Variants in PITPNM2 observed in about 807,000 individuals in gnomAD.
The protein encoded by PITPNM2 is membrane-associated phosphatidylinositol transfer protein 2.
PITPNM2 carries 35 observed loss-of-function variants against 132.2 expected under a neutral mutation model. That is an observed-to-expected ratio of 0.26 (90% CI 0.20 to 0.35). The LOEUF is 0.35. Ranked by LOEUF, PITPNM2 falls within the 10% of genes least tolerant of loss-of-function variation. PITPNM2 has a pLI of 1.00. For synonymous variants in PITPNM2, 738 were observed against 799.2 expected, an observed-to-expected ratio of 0.92 and a Z score of 1.29; for missense variants, 1,332 against 1,912.0, an observed-to-expected ratio of 0.70 and a Z score of 5.66.
intron 2 of PITPNM2, among the ~76,000 whole-genome samples, chr12:123,055,475 G>A (rs4148858): frequency 0.034 from 5,147 of 152,298 alleles, 149 homozygotes; most frequent in East Asian, 0.17. Context: ...CCTGCCCAGC[G>A]TGCACACGGC....
intron 2 of PITPNM2, among the ~76,000 whole-genome samples, chr12:123,060,094 A>G (rs2041181244): frequency 6.6e-6 from 1 of 151,908 alleles, no homozygotes; most frequent in Non-Finnish European, 1.5e-5. Flanking sequence ...CTTTTTATCA[A>G]CCCCCAGGCC....
chr12:123,096,393 G>A (rs2042411924), intron 2 of PITPNM2, among the ~76,000 whole-genome samples: 1 of 152,224 alleles, frequency 6.6e-6, no homozygotes, highest in African/African-American at 2.4e-5. Flanking sequence ...TATTCACGGT[G>A]AGTTCCTGGG....
intron 2 of PITPNM2, chr12:123,090,223 A>T (rs1195467832): frequency 3.3e-5 from 5 of 152,226 alleles, no homozygotes; most frequent in Admixed American, 3.3e-4. Flanking sequence ...TACGTGACTG[A>T]TAAGTTAGTA....
chr12:122,988,648 C>A, intron 19 of PITPNM2, 76 bp downstream of exon 19: 1 of 1,440,848 alleles, frequency 6.9e-7, no homozygotes, highest in South Asian at 1.3e-5. Context: ...CCCACTGTCC[C>A]CTCGTCTGTG....
intron 3 of PITPNM2, among the ~76,000 whole-genome samples, chr12:123,025,692 A>T (rs1243244682): frequency 6.6e-6 from 1 of 152,026 alleles, no homozygotes; most frequent in African/African-American, 2.4e-5. Context: ...TCGGCCTCCC[A>T]AAGTGCTGGG....
At chr12:122,996,320 T>G (rs2038423106) in intron 13 of PITPNM2, 138 bp downstream of exon 13, 2 of 1,224,770 alleles carry the variant, frequency 1.6e-6, no homozygotes, top group South Asian at 1.5e-5. Context: ...CCAAGCCAGA[T>G]GGACTCAGGA....
rs1215690899 is a variant in PITPNM2, at chr12:123,117,502, T to C, written c.-199-7014A>G. Among the ~76,000 whole-genome samples the C allele has an allele frequency of 2.0e-5, 3 of 152,174 alleles. No individual in the cohort carries two copies. Among genetic ancestry groups the C allele is most frequent in the Non-Finnish European group, 2.9e-5 (2 of 68,030 alleles). On this transcript the variant is annotated intron_variant, in intron 1 of 25. Transcript: ENST00000320201. The surrounding 1 kb of genome is among the most constrained non-coding windows in gnomAD (Gnocchi z 4.7). The stretch of plus-strand genomic sequence containing the variant: ...TCAGCTCGGCTCACTGGGCCTCTGT[T>C]TCCCCATCTGTAGAGTGAGGAGGCT...
chr12:123,079,492 G>A (rs752869365), intron 2 of PITPNM2, among the ~76,000 whole-genome samples: 4 of 148,004 alleles, frequency 2.7e-5, no homozygotes, highest in Admixed American at 6.9e-5. Flanking sequence ...GATTATAGGC[G>A]CCCACCACCA....
At chr12:123,025,673 C>A (rs1035052469) in intron 3 of PITPNM2, among the ~76,000 whole-genome samples, 2 of 152,100 alleles carry the variant, frequency 1.3e-5, no homozygotes, top group Non-Finnish European at 2.9e-5. Flanking sequence ...CTCAGGTGAT[C>A]TGCCTGCCTC....
In PITPNM2 at chr12:122,988,350, C is replaced by A. The variant is rs565300725; in HGVS notation, c.2881G>T (p.Val961Phe). The change falls in exon 20 of 26, where the codon GTC (valine) becomes TTC (phenylalanine). Residue 961 changes from valine to phenylalanine, a missense_variant and splice_region_variant. Physicochemically the swap from Val to Phe is conservative, Grantham distance 50. Transcript: ENST00000320201. ...ATGCTGGAGTTGTCATGCCTCATGA[C>A]CTGGGAAGAGGGGACAGTGCAGGCT... ...TDVVSFLLRQVMRHDNSSILE... is the reference protein window; with the variant it reads ...TDVVSFLLRQFMRHDNSSILE... 1.7e-5 allele frequency: 28 copies of A among 1,613,058 alleles called. No homozygotes were observed. In the East Asian group the frequency reaches 5.6e-4, roughly 32 times the overall value.
chr12:123,085,065 G>A (rs2042074847), intron 2 of PITPNM2, among the ~76,000 whole-genome samples: 1 of 152,218 alleles, frequency 6.6e-6, no homozygotes, highest in African/African-American at 2.4e-5. Flanking sequence ...GATGTCAGGT[G>A]CCCAAGCACA....
chr12:123,028,028 G>T (rs548086915), intron 3 of PITPNM2, among the ~76,000 whole-genome samples: 10 of 152,356 alleles, frequency 6.6e-5, no homozygotes, highest in Admixed American at 2.6e-4. Flanking sequence ...TTCAGAGACA[G>T]CGGCAGTTGG....
At chr12:123,038,213 A>G (rs894696380) in intron 2 of PITPNM2, among the ~76,000 whole-genome samples, 1 of 152,266 alleles carries the variant, frequency 6.6e-6, no homozygotes, top group Non-Finnish European at 1.5e-5. Flanking sequence ...AGAGGTAAGT[A>G]AGTAGGTACA....
chr12:123,056,926 T>C (rs538923916), intron 2 of PITPNM2, among the ~76,000 whole-genome samples: 39 of 152,236 alleles, frequency 2.6e-4, no homozygotes, highest in Admixed American at 6.5e-4. Context: ...CAAGCAGGTG[T>C]GAACTGGGAG....
At chr12:123,101,915 G>C (rs1006834276) in intron 2 of PITPNM2, among the ~76,000 whole-genome samples, 1 of 152,192 alleles carries the variant, frequency 6.6e-6, no homozygotes, top group African/African-American at 2.4e-5. Context: ...AAAATTAGCT[G>C]GGTGTGGTGT....
chr12:123,015,405 T>A (rs1457494808), intron 3 of PITPNM2, among the ~76,000 whole-genome samples: 1 of 152,068 alleles, frequency 6.6e-6, no homozygotes, highest in East Asian at 1.9e-4. Flanking sequence ...ATATCTATGA[T>A]CAATTAATTT....
At chr12:123,120,741 G>A (rs544549916) in intron 1 of PITPNM2, among the ~76,000 whole-genome samples, 1 of 152,304 alleles carries the variant, frequency 6.6e-6, no homozygotes, top group East Asian at 1.9e-4. Flanking sequence ...GCTCCTCCCT[G>A]CTGGTCAGAC....
rs1427058044 is a variant in PITPNM2, at chr12:123,058,795, C to T, written c.-95-24110G>A. Among the ~76,000 whole-genome samples, 1 of 152,202 alleles carries T rather than the reference C, an allele frequency of 6.6e-6. No homozygotes were observed. The highest frequency in any genetic ancestry group is 1.5e-5 in the Non-Finnish European group (1 of 68,028). ...GGTTCTTTTGTGGAAAAAGCCCTTT[C>T]CCACGGGGTCCACCTGGAAAATTCT... On this transcript the variant is annotated intron_variant, in intron 2 of 25. Coordinates refer to ENST00000320201, the MANE Select transcript of PITPNM2 (RefSeq NM_020845.3). The surrounding 1 kb of genome is among the most constrained non-coding windows in gnomAD (Gnocchi z 4.0).
At chr12:123,018,024 C>G (rs2039502456) in intron 3 of PITPNM2, among the ~76,000 whole-genome samples, 1 of 142,534 alleles carries the variant, frequency 7.0e-6, no homozygotes, top group Non-Finnish European at 1.5e-5. Context: ...TCCTTCCTTC[C>G]TTCCTTCCTT....
Sources: allele counts gnomAD v4.1 joint callset (sites outside exome capture counted in the v4.1 genomes callset), GRCh38; gene constraint gnomAD v4.1.1; non-coding constraint Gnocchi (gnomAD v3.1); transcripts MANE v1.5; gene names NCBI Gene and HGNC (gene_info 2026-07-23, HGNC 2026-07-21).